FOXN3: variants seen among roughly 807,000 people sequenced by gnomAD.
FOXN3 encodes forkhead box N3.
In FOXN3, 7 loss-of-function variants were observed where a neutral mutation model predicts 38.4. That is an observed-to-expected ratio of 0.18 (90% CI 0.10 to 0.34). FOXN3 has a LOEUF of 0.34. Among genes scored for constraint, FOXN3 ranks in the 10% least tolerant of loss-of-function variants. The probability of loss-of-function intolerance (pLI) is 1.00; values close to 1 mark genes in which losing one functional copy is unlikely to be tolerated. For synonymous variants in FOXN3, 230 were observed against 242.2 expected (o/e 0.95, Z 0.47); for missense variants, 456 against 613.4 (o/e 0.74, Z 2.71).
chr14:89,298,549 AC>A (rs1471305976), intron 3 of FOXN3, among the ~76,000 whole-genome samples: 1 of 152,072 alleles, frequency 6.6e-6, no homozygotes, highest in Non-Finnish European at 1.5e-5. Flanking sequence ...TAAATAAATA[AC>A]AGATAGACGA....
intron 3 of FOXN3, among the ~76,000 whole-genome samples, chr14:89,344,691 T>C (rs1888713953): frequency 6.6e-6 from 1 of 152,122 alleles, no homozygotes; most frequent in Admixed American, 6.6e-5. Context: ...AATCACAAAG[T>C]CAAGGTCACC....
intron 4 of FOXN3, among the ~76,000 whole-genome samples, chr14:89,200,032 C>T (rs1487979764): frequency 2.6e-5 from 4 of 152,186 alleles, no homozygotes; most frequent in Non-Finnish European, 4.4e-5. Context: ...GGATACCCAA[C>T]GGATGACTGT....
At chr14:89,273,661 C>A (rs1208471903) in intron 4 of FOXN3, among the ~76,000 whole-genome samples, 1 of 152,228 alleles carries the variant, frequency 6.6e-6, no homozygotes, top group African/African-American at 2.4e-5. Context: ...AGACTGTGTT[C>A]TGCATGTTCT....
chr14:89,357,010 G>A (rs1344225457), intron 2 of FOXN3, among the ~76,000 whole-genome samples: 4 of 152,166 alleles, frequency 2.6e-5, no homozygotes, highest in African/African-American at 9.7e-5. Flanking sequence ...GACCATGGGT[G>A]TTGGTTCAGG....
intron 1 of FOXN3, among the ~76,000 whole-genome samples, chr14:89,505,599 T>C (rs1178795810): frequency 1.3e-5 from 2 of 151,952 alleles, no homozygotes; most frequent in Non-Finnish European, 2.9e-5. Context: ...CAGGCTGGAG[T>C]GCAGTGGCGT....
rs1244423309 is a variant in FOXN3 at position 89,239,577 on chromosome 14, T to C, written c.745+41373A>G. 4.6e-5 allele frequency among the ~76,000 whole-genome samples: 7 copies of C among 152,344 alleles called. No individual in the cohort carries two copies. The South Asian group carries it at 8.3e-4, about 18-fold the overall frequency. On this transcript the variant is annotated intron_variant, in intron 4 of 5. Transcript: ENST00000557258. Reference sequence around the variant, plus strand: ...TGCAAAGAAGCTTTTATTGCAAAGATGCAGATGGCCTGCACACCAAATTGC... The same window carrying C: ...TGCAAAGAAGCTTTTATTGCAAAGACGCAGATGGCCTGCACACCAAATTGC...
chr14:89,498,210 CTTTT>C (rs547081117), intron 1 of FOXN3, among the ~76,000 whole-genome samples: 2 of 81,064 alleles, frequency 2.5e-5, no homozygotes, highest in Non-Finnish European at 2.2e-5. Flanking sequence ...CTCTCTCTCT[CTTTT>C]TTTTTTTTTT....
At chr14:89,354,102 A>T (rs1034817850) in intron 2 of FOXN3, among the ~76,000 whole-genome samples, 2 of 152,218 alleles carry the variant, frequency 1.3e-5, no homozygotes, top group African/African-American at 4.8e-5. Flanking sequence ...AATGTTTCTA[A>T]TAGGAGAGAG....
intron 2 of FOXN3, chr14:89,353,429 T>C (rs1213646835): frequency 1.3e-5 from 2 of 152,148 alleles, no homozygotes; most frequent in Non-Finnish European, 2.9e-5. Flanking sequence ...AGCAAACAGA[T>C]GGGACGAGTG....
chr14:89,514,170 G>A (rs577905797), intron 1 of FOXN3, among the ~76,000 whole-genome samples: 4 of 152,204 alleles, frequency 2.6e-5, no homozygotes, highest in Non-Finnish European at 5.9e-5. Flanking sequence ...GAGGGAGAAG[G>A]AGGATGGAAG....
At chr14:89,195,470 C>T (rs1266314795) in intron 4 of FOXN3, among the ~76,000 whole-genome samples, 1 of 152,206 alleles carries the variant, frequency 6.6e-6, no homozygotes, top group Admixed American at 6.5e-5. Flanking sequence ...TGGTAGGATG[C>T]TTCGGACCAA....
chr14:89,236,963 C>G (rs769633780), intron 4 of FOXN3, among the ~76,000 whole-genome samples: 1 of 152,212 alleles, frequency 6.6e-6, no homozygotes, highest in African/African-American at 2.4e-5. Flanking sequence ...AAGAACCTCT[C>G]TCTTCCATCA....
chr14:89,347,200 A>G (rs1888786665), intron 3 of FOXN3, among the ~76,000 whole-genome samples: 2 of 152,180 alleles, frequency 1.3e-5, no homozygotes, highest in Admixed American at 1.3e-4. Flanking sequence ...TTGAAAATGT[A>G]ATTAGTTAAA....
intron 1 of FOXN3, among the ~76,000 whole-genome samples, chr14:89,513,406 T>A (rs1894136848): frequency 6.6e-6 from 1 of 151,416 alleles, no homozygotes; most frequent in African/African-American, 2.4e-5. Flanking sequence ...TTTGTTTTGT[T>A]TTGTTTTGTT....
At chr14:89,596,679 C>A (rs1206498975) in intron 1 of FOXN3, among the ~76,000 whole-genome samples, 2 of 152,096 alleles carry the variant, frequency 1.3e-5, no homozygotes, top group Non-Finnish European at 2.9e-5. Flanking sequence ...TTATGGGAAA[C>A]TTTGTAATTA....
Position 89,383,185 on chromosome 14 carries a change from C to T in FOXN3, c.543+28749G>A, listed in dbSNP as rs3783850. 1.1e-4 allele frequency among the ~76,000 whole-genome samples: 16 copies of T among 152,106 alleles called. No individual in the cohort carries two copies. The East Asian group carries it at 3.1e-3, about 29-fold the overall frequency. ...TCAAAAATATAAAGTAATTCATATG[C>T]TTTCATCTATTAATTGGGAAAATGA... On this transcript the variant is annotated intron_variant, in intron 2 of 5. Coordinates refer to ENST00000557258, the MANE Select transcript of FOXN3 (RefSeq NM_005197.4).
intron 4 of FOXN3, among the ~76,000 whole-genome samples, chr14:89,201,598 G>GGAAGCCCCTTGAGACCAC (rs1264436746): frequency 4.1e-4 from 63 of 152,286 alleles, no homozygotes; most frequent in African/African-American, 1.5e-3. Context: ...GGTGGGACCA[G>GGAAGCCCCTTGAGACCAC]GAAGCCCCTT....
At chr14:89,558,365 G>A (rs1050732421) in intron 1 of FOXN3, among the ~76,000 whole-genome samples, 1 of 152,158 alleles carries the variant, frequency 6.6e-6, no homozygotes, top group Non-Finnish European at 1.5e-5. Context: ...GGAATGCAAT[G>A]GTGCAGACAT....
intron 3 of FOXN3, among the ~76,000 whole-genome samples, chr14:89,283,408 G>A (rs749861499): frequency 5.3e-5 from 8 of 152,138 alleles, no homozygotes; most frequent in Non-Finnish European, 1.2e-4. Context: ...GGTTGGGAAG[G>A]CAACAAGCTT....
Sources: allele counts gnomAD v4.1 joint callset (sites outside exome capture counted in the v4.1 genomes callset), GRCh38; gene constraint gnomAD v4.1.1; transcripts MANE v1.5; gene names NCBI Gene and HGNC (gene_info 2026-07-23, HGNC 2026-07-21).